The following RESF1 variants were observed in gnomAD, a reference collection of about 807,000 sequenced individuals.
RESF1 encodes gonad expressed transcript.
A neutral mutation model predicts 134.7 loss-of-function variants in RESF1; 65 were observed. That is an observed-to-expected ratio of 0.48 (90% CI 0.40 to 0.59). RESF1 has a LOEUF of 0.59. Among genes scored for constraint, RESF1 ranks in the 20% least tolerant of loss-of-function variants. The pLI is 0.00. For synonymous variants in RESF1, 762 were observed against 702.2 expected (o/e 1.09, Z -1.35); for missense variants, 2,274 against 2,002.7 (o/e 1.14, Z -2.59).
intron 2 of RESF1, among the ~76,000 whole-genome samples, chr12:31,965,464 T>C (rs1444208183): frequency 6.6e-6 from 1 of 152,208 alleles, no homozygotes; most frequent in Non-Finnish European, 1.5e-5. Context: ...CTTGAGCCAC[T>C]GCTGCCCCCG....
In RESF1 at chr12:31,984,411, T is replaced by G. The variant is rs1419127304; in HGVS notation, c.3456T>G (p.Pro1152=). 2.5e-6 allele frequency: 4 copies of G among 1,614,208 alleles called. 1 individual carries two copies. The Admixed American group carries it at 6.7e-5, about 27-fold the overall frequency. Residue 1152 remains proline (P), a synonymous_variant, in exon 4 of 6, where the codon CCT becomes CCG. Coordinates refer to ENST00000312561, the MANE Select transcript of RESF1 (RefSeq NM_018169.4). ...TTAGCCAGTGTGACCTGCAGGCACC[T>G]GCAGCTGGACAAAGTCGTGATTCTG... ...EVVSQCDLQA[P]AAGQSRDSVI...
Position 31,985,022 on chromosome 12 carries a change from C to A in RESF1, c.4067C>A (p.Ser1356Ter). The change falls in exon 4 of 6, where the codon TCA (serine) becomes TAA (stop). Residue 1356 changes from serine (S) to a stop codon, truncating the protein, a stop_gained. Coordinates refer to ENST00000312561, the MANE Select transcript of RESF1 (RefSeq NM_018169.4). LOFTEE classifies it high-confidence loss of function. ...VYKKHSSLGQSLSPEKIKLKL... is the reference protein window; with the variant it reads ...VYKKHSSLGQ ...AAGAAGCATAGTTCTTTGGGACAGT[C>A]ATTATCACCAGAAAAGATAAAATTG... The A allele has an allele frequency of 1.3e-6, 2 of 1,591,504 alleles. No homozygotes were observed. The highest frequency in any genetic ancestry group is 2.3e-5 in the South Asian group (2 of 85,744).
At chr12:31,980,823 A>T in intron 3 of RESF1, 55 bp from the exon 4 acceptor site, 2 of 658,336 alleles carry the variant, frequency 3.0e-6, no homozygotes, top group Non-Finnish European at 5.0e-6. Flanking sequence ...TAATTTTCTT[A>T]GATATTCTAT....
chr12:31,982,027 G>A lies in RESF1; in HGVS notation c.1072G>A (p.Val358Met), dbSNP rs1218033896. ...TTTTAACAGTCCCATTAGATCTTCT[G>A]TGGATGGTGTTCAGACTCTTGCTCA... ...QPFNSPIRSSVDGVQTLAQTN... is the reference protein window; with the variant it reads ...QPFNSPIRSSMDGVQTLAQTN... The change falls in exon 4 of 6, where the codon GTG becomes ATG. Residue 358 changes from valine to methionine, a missense_variant. Physicochemically the swap from Val to Met is conservative, Grantham distance 21. Coordinates refer to ENST00000312561, the MANE Select transcript of RESF1 (RefSeq NM_018169.4). 4.3e-6 allele frequency: 7 copies of A among 1,614,124 alleles called. No individual in the cohort carries two copies. Among genetic ancestry groups the A allele is most frequent in the Non-Finnish European group, 5.9e-6 (7 of 1,179,998 alleles).
chr12:31,982,243 A>G lies in RESF1; in HGVS notation c.1288A>G (p.Thr430Ala). 1 of 1,613,784 alleles carries G rather than the reference A, an allele frequency of 6.2e-7. No individual in the cohort carries two copies. Among genetic ancestry groups the G allele is most frequent in the South Asian group, 1.1e-5 (1 of 90,996 alleles). The change falls in exon 4 of 6, where the codon ACT becomes GCT. Residue 430 changes from threonine (T) to alanine (A), a missense_variant. Coordinates refer to ENST00000312561, the MANE Select transcript of RESF1 (RefSeq NM_018169.4). Reference sequence around the variant, plus strand: ...GATGGCAGCAGGTTGTATTAAAATGACTAATACTTCTTATAGTGAACCAGC... The same window carrying G: ...GATGGCAGCAGGTTGTATTAAAATGGCTAATACTTCTTATAGTGAACCAGC... Reference protein sequence around the residue: ...LLMAAGCIKMTNTSYSEPAQN... With the variant: ...LLMAAGCIKMANTSYSEPAQN...
At chr12:31,972,279 A>G (rs1939527054) in intron 3 of RESF1, among the ~76,000 whole-genome samples, 1 of 151,906 alleles carries the variant, frequency 6.6e-6, no homozygotes, top group South Asian at 2.1e-4. Flanking sequence ...GCACAGGTAA[A>G]ATAACCTGGG....
chr12:31,990,130 A>G (rs949221521), intron 5 of RESF1, among the ~76,000 whole-genome samples: 1 of 152,208 alleles, frequency 6.6e-6, no homozygotes, highest in African/African-American at 2.4e-5. Flanking sequence ...CATGTTTGGA[A>G]TCTGAAGCTG....
Position 31,985,387 on chromosome 12 carries a change from C to T in RESF1, c.4432C>T (p.His1478Tyr). The T allele has an allele frequency of 4.4e-6, 7 of 1,603,238 alleles. No individual in the cohort carries two copies. Among genetic ancestry groups the T allele is most frequent in the Non-Finnish European group, 5.9e-6 (7 of 1,177,286 alleles). ...GAAAAACGTGCCATGTGATTCTGAA[C>T]ATATGAGACCAAGTAAACTTGCCGT... ...CVKNVPCDSE[H>Y]MRPSKLAVQV... Residue 1478 changes from histidine (H) to tyrosine (Y), a missense_variant, in exon 4 of 6, where the codon CAT (histidine) becomes TAT (tyrosine). Coordinates refer to ENST00000312561, the MANE Select transcript of RESF1 (RefSeq NM_018169.4).
intron 2 of RESF1, among the ~76,000 whole-genome samples, chr12:31,968,997 G>A (rs949368766): frequency 6.6e-6 from 1 of 152,142 alleles, no homozygotes; most frequent in Non-Finnish European, 1.5e-5. Context: ...CTGGAGTACA[G>A]TGGCACTACC....
chr12:31,978,849 G>A (rs1939700096), intron 3 of RESF1, among the ~76,000 whole-genome samples: 1 of 150,660 alleles, frequency 6.6e-6, no homozygotes, highest in Admixed American at 6.6e-5. Flanking sequence ...GATTACAGGT[G>A]TGAGGCACTG....
chr12:31,973,677 GAA>G (rs58929837), intron 3 of RESF1, among the ~76,000 whole-genome samples: 28 of 148,694 alleles, frequency 1.9e-4, no homozygotes, highest in Non-Finnish European at 3.0e-4. Flanking sequence ...AGGGATGGAG[GAA>G]AAAAAAAAAA....
At position 31,982,598 on chromosome 12, in the gene RESF1, T is replaced by A. The variant is rs751984974; in HGVS notation, c.1643T>A (p.Val548Asp). 10 of 1,613,982 alleles carry A rather than the reference T, an allele frequency of 6.2e-6. 1 individual carries two copies. In the South Asian group the frequency reaches 1.1e-4, roughly 18 times the overall value. The change falls in exon 4 of 6, where the codon GTT becomes GAT. Residue 548 changes from valine (V) to aspartate (D), a missense_variant. By Grantham distance (152) the Val-to-Asp change is radical. Transcript: ENST00000312561. ...VLNTQLSSEN[V>D]TKVEQNSPAV... Reference sequence around the variant, plus strand: ...AATACTCAGCTTTCATCAGAAAATGTTACCAAAGTTGAGCAAAATTCACCA... The same window carrying A: ...AATACTCAGCTTTCATCAGAAAATGATACCAAAGTTGAGCAAAATTCACCA...
At position 31,983,316 on chromosome 12, in the gene RESF1, A is replaced by G; in HGVS notation, c.2361A>G (p.Thr787=). The G allele has an allele frequency of 6.2e-7, 1 of 1,614,134 alleles. No individual in the cohort carries two copies. Among genetic ancestry groups the G allele is most frequent in the Non-Finnish European group, 8.5e-7 (1 of 1,180,012 alleles). The change falls in exon 4 of 6, where the codon ACA becomes ACG. Residue 787 remains threonine (T), a synonymous_variant. Coordinates refer to ENST00000312561, the MANE Select transcript of RESF1 (RefSeq NM_018169.4). ...KGITPAVLPE[T]VYPVIKEGSV... ...TAACACCTGCAGTGTTACCTGAAAC[A>G]GTGTATCCCGTTATTAAAGAAGGCA...
chr12:31,987,831 G>T lies in RESF1; in HGVS notation c.5086+509G>T, dbSNP rs572865402. ...GCTCACTGCAACCTCTGCCTCCCAGGTTCAAGCGATTTTCTCCCTCAGCTT... is the reference window on the plus strand; with the variant it reads ...GCTCACTGCAACCTCTGCCTCCCAGTTTCAAGCGATTTTCTCCCTCAGCTT... On this transcript the variant is annotated intron_variant, in intron 5 of 5. Transcript: ENST00000312561. Among the ~76,000 whole-genome samples the T allele has an allele frequency of 2.3e-4, 35 of 152,148 alleles. 1 individual carries two copies. The highest frequency in any genetic ancestry group is 1.2e-3 in the South Asian group (6 of 4,812).
In RESF1 at chr12:31,985,720, T is replaced by TG; in HGVS notation, c.4766dup (p.Cys1589TrpfsTer3). ...ATATCTGAATAGAGTTGGGTTTAAA[T>TG]GCACTGAACGTGAAAGCATTTCTCT... On this transcript the variant is annotated frameshift_variant, in exon 4 of 6. Coordinates refer to ENST00000312561, the MANE Select transcript of RESF1 (RefSeq NM_018169.4). LOFTEE classifies it high-confidence loss of function. The TG allele has an allele frequency of 1.9e-6, 3 of 1,600,672 alleles. No homozygotes were observed. The highest frequency in any genetic ancestry group is 2.5e-6 in the Non-Finnish European group (3 of 1,176,698).
intron 5 of RESF1, among the ~76,000 whole-genome samples, chr12:31,987,878 T>G (rs10743773): frequency 0.78 from 118,691 of 151,924 alleles, 46,295 homozygotes; most frequent in South Asian, 0.83. Flanking sequence ...GGGACTGCAG[T>G]TGCATACCAC....
At position 31,984,368 on chromosome 12, in the gene RESF1, A is replaced by G. The variant is rs1939900840; in HGVS notation, c.3413A>G (p.Glu1138Gly). ...VDKLAEPQKE[E>G]PITEVVSQCD... is the part of the protein sequence containing the mutation. Reference sequence around the variant, plus strand: ...AAGTTGGCAGAACCTCAGAAAGAAGAGCCCATCACAGAAGTAGTTAGCCAG... The same window carrying G: ...AAGTTGGCAGAACCTCAGAAAGAAGGGCCCATCACAGAAGTAGTTAGCCAG... Residue 1138 changes from glutamate to glycine, a missense_variant, in exon 4 of 6, where the codon GAG (glutamate) becomes GGG (glycine). Coordinates refer to ENST00000312561, the MANE Select transcript of RESF1 (RefSeq NM_018169.4). 1 of 1,614,058 alleles carries G rather than the reference A, an allele frequency of 6.2e-7. No homozygotes were observed. Among genetic ancestry groups the G allele is most frequent in the Non-Finnish European group, 8.5e-7 (1 of 1,180,038 alleles).
intron 2 of RESF1, among the ~76,000 whole-genome samples, chr12:31,965,510 A>G (rs930588871): frequency 3.9e-5 from 6 of 152,180 alleles, no homozygotes; most frequent in Admixed American, 1.3e-4. Flanking sequence ...CTTTAAAATA[A>G]GTCTCTGCTT....
intron 2 of RESF1, among the ~76,000 whole-genome samples, chr12:31,964,251 A>C (rs1939346073): frequency 6.9e-6 from 1 of 145,148 alleles, no homozygotes; most frequent in South Asian, 2.2e-4. Flanking sequence ...TATTAAGCCT[A>C]GTACCCAATT....
Sources: allele counts gnomAD v4.1 joint callset (sites outside exome capture counted in the v4.1 genomes callset), GRCh38; gene constraint gnomAD v4.1.1; transcripts MANE v1.5; gene names NCBI Gene and HGNC (gene_info 2026-07-23, HGNC 2026-07-21).